Variants in LRP12 observed in about 807,000 individuals in gnomAD.
LRP12 encodes the protein LDL receptor related protein 12, also known as low-density lipoprotein receptor-related protein 12.
Under a neutral mutation model 66.0 loss-of-function variants are expected in LRP12, and 14 were observed. The observed-to-expected ratio is 0.21, with a 90% confidence interval of 0.14 to 0.33. The LOEUF is 0.33. Among genes scored for constraint, LRP12 ranks in the 10% least tolerant of loss-of-function variants. The pLI, the probability that LRP12 is intolerant of heterozygous loss-of-function variation, is 1.00. For missense variants in LRP12, 889 were observed against 1,053.4 expected, an observed-to-expected ratio of 0.84 and a Z score of 2.16; for synonymous variants, 357 against 359.1, an observed-to-expected ratio of 0.99 and a Z score of 0.07.
At chr8:104,572,668 A>G (rs756600751) in intron 1 of LRP12, among the ~76,000 whole-genome samples, 13 of 151,192 alleles carry the variant, frequency 8.6e-5, no homozygotes, top group Non-Finnish European at 1.8e-4. Context: ...TTTAAAAATA[A>G]TATTATTTAT....
chr8:104,549,000 T>G lies in LRP12; in HGVS notation c.80-17037A>C, dbSNP rs561094522. On this transcript the variant is annotated intron_variant, in intron 1 of 6. Coordinates refer to ENST00000276654, the MANE Select transcript of LRP12 (RefSeq NM_013437.5). ...TTTATCAGAGGCTTTACAATGAGTGTCAAGGACATACTAGGTCTAAGGTCA... is the reference window on the plus strand; with the variant it reads ...TTTATCAGAGGCTTTACAATGAGTGGCAAGGACATACTAGGTCTAAGGTCA... 9.1e-4 allele frequency among the ~76,000 whole-genome samples: 138 copies of G among 152,144 alleles called. 1 individual carries two copies. Among genetic ancestry groups the G allele is most frequent in the Non-Finnish European group, 1.8e-3 (125 of 68,016 alleles).
At chr8:104,538,813 G>A (rs1246582103) in intron 1 of LRP12, among the ~76,000 whole-genome samples, 1 of 152,090 alleles carries the variant, frequency 6.6e-6, no homozygotes, top group Admixed American at 6.6e-5. Context: ...TTTAAAATGA[G>A]CCTAGTGTAC....
chr8:104,512,909 T>A (rs1460551384), intron 2 of LRP12, among the ~76,000 whole-genome samples: 2 of 152,204 alleles, frequency 1.3e-5, no homozygotes, highest in African/African-American at 4.8e-5. Flanking sequence ...AACATTATTT[T>A]AAAATATTAA....
intron 1 of LRP12, among the ~76,000 whole-genome samples, chr8:104,582,317 C>T (rs1323372446): frequency 6.6e-6 from 1 of 152,034 alleles, no homozygotes; most frequent in African/African-American, 2.4e-5. Flanking sequence ...ACTCTTTTGT[C>T]AGTTTTATTT....
At chr8:104,558,531 C>G (rs983518682) in intron 1 of LRP12, among the ~76,000 whole-genome samples, 1 of 152,040 alleles carries the variant, frequency 6.6e-6, no homozygotes, top group Non-Finnish European at 1.5e-5. Flanking sequence ...AAAACCCTTC[C>G]AGACACTGGC....
chr8:104,567,336 C>T (rs140420077), intron 1 of LRP12, among the ~76,000 whole-genome samples: 1,662 of 152,072 alleles, frequency 0.011, 22 homozygotes, highest in African/African-American at 0.021. Context: ...AAAATGAGGA[C>T]GAACCAAAAG....
intron 1 of LRP12, among the ~76,000 whole-genome samples, chr8:104,535,950 GTT>G (rs1811387563): frequency 1.3e-5 from 2 of 152,052 alleles, no homozygotes; most frequent in Non-Finnish European, 2.9e-5. Context: ...TGGTTTAAAA[GTT>G]AAATGACTGT....
intron 1 of LRP12, among the ~76,000 whole-genome samples, chr8:104,540,820 G>A (rs1019874246): frequency 3.9e-5 from 6 of 152,098 alleles, no homozygotes; most frequent in African/African-American, 1.4e-4. Context: ...TGCAAACTCC[G>A]ACTCCCTGGT....
chr8:104,519,019 A>C (rs1811111477), intron 2 of LRP12, among the ~76,000 whole-genome samples: 2 of 152,112 alleles, frequency 1.3e-5, no homozygotes, highest in Non-Finnish European at 2.9e-5. Flanking sequence ...AGAGTACTAT[A>C]GTTGCCCTTT....
chr8:104,560,065 T>C (rs1430725248), intron 1 of LRP12, among the ~76,000 whole-genome samples: 1 of 152,166 alleles, frequency 6.6e-6, no homozygotes, highest in East Asian at 1.9e-4. Context: ...AGGTCTGTCT[T>C]ATTATAAAGA....
At chr8:104,505,162 C>T (rs1056137429) in intron 3 of LRP12, 3 of 152,194 alleles carry the variant, frequency 2.0e-5, no homozygotes, top group African/African-American at 7.2e-5. Flanking sequence ...GGACCACAGG[C>T]AACGTGCCAT....
intron 3 of LRP12, chr8:104,506,132 T>C (rs1429942312): frequency 1.3e-5 from 2 of 152,222 alleles, no homozygotes; most frequent in African/African-American, 4.8e-5. Flanking sequence ...AATAAGCATA[T>C]ATTACATTAC....
intron 1 of LRP12, among the ~76,000 whole-genome samples, chr8:104,533,449 G>A (rs1811355190): frequency 6.6e-6 from 1 of 152,038 alleles, no homozygotes; most frequent in Admixed American, 6.6e-5. Context: ...CCTTGGGAGT[G>A]TGCTAGAAAT....
At chr8:104,555,950 C>T (rs1394150617) in intron 1 of LRP12, among the ~76,000 whole-genome samples, 1 of 152,032 alleles carries the variant, frequency 6.6e-6, no homozygotes, top group Non-Finnish European at 1.5e-5. Flanking sequence ...ATAAAAATTA[C>T]ATCAAGTTCT....
At chr8:104,518,843 A>G (rs1449429966) in intron 2 of LRP12, among the ~76,000 whole-genome samples, 1 of 152,032 alleles carries the variant, frequency 6.6e-6, no homozygotes, top group Non-Finnish European at 1.5e-5. Flanking sequence ...AAGGGGATGA[A>G]GTGGAGGCTG....
intron 6 of LRP12, 52 bp downstream of exon 6, chr8:104,495,025 G>A (rs1308262831): frequency 2.8e-5 from 43 of 1,550,162 alleles, no homozygotes; most frequent in South Asian, 1.3e-4. Flanking sequence ...ATATACAGGC[G>A]CAGATTTCAT....
intron 1 of LRP12, among the ~76,000 whole-genome samples, chr8:104,588,242 G>C (rs1812365537): frequency 6.6e-6 from 1 of 152,160 alleles, no homozygotes; most frequent in Non-Finnish European, 1.5e-5. Flanking sequence ...CTGCTCCCGG[G>C]GAACCAACAG....
intron 1 of LRP12, among the ~76,000 whole-genome samples, chr8:104,545,569 A>G (rs1811543145): frequency 6.6e-6 from 1 of 152,210 alleles, no homozygotes; most frequent in South Asian, 2.1e-4. Flanking sequence ...AGCCATCAAC[A>G]CTGAGGCAAG....
rs1295298275 is a variant in LRP12, at chr8:104,489,817, G to A, written c.*856C>T. 6.6e-6 allele frequency: 1 copy of A among 152,550 alleles called. No homozygotes were observed. Among genetic ancestry groups the A allele is most frequent in the African/African-American group, 2.4e-5 (1 of 41,430 alleles). 9.4% of individuals were successfully genotyped at this position (152,550 alleles called of 1,614,324 possible). Reference sequence around the variant, plus strand: ...GATATAATTTTAGTGCAAATCCCTAGGGTCCAATGCAAGCGCAACCCTGTA... The same window carrying A: ...GATATAATTTTAGTGCAAATCCCTAAGGTCCAATGCAAGCGCAACCCTGTA... On this transcript the variant is annotated 3_prime_UTR_variant, in exon 7 of 7. Transcript: ENST00000276654.
Sources: gnomAD v4.1 joint callset for allele counts (sites outside exome capture counted in the v4.1 genomes callset) on GRCh38, gnomAD v4.1.1 for gene constraint, MANE v1.5 for transcripts, NCBI Gene and HGNC (gene_info 2026-07-23, HGNC 2026-07-21) for gene names.